The following RB1 variants were observed in gnomAD, a reference collection of about 807,000 sequenced individuals.
RB1 encodes the protein RB transcriptional corepressor 1.
RB1 carries 18 observed loss-of-function variants against 135.4 expected under a neutral mutation model. The observed-to-expected ratio is 0.13, with a 90% CI of 0.09 to 0.20. RB1 has a LOEUF of 0.20. Among genes scored for constraint, RB1 ranks in the 10% least tolerant of loss-of-function variants. The pLI, the probability that RB1 is intolerant of heterozygous loss-of-function variation, is 1.00. For synonymous variants in RB1, 365 were observed against 373.2 expected, an observed-to-expected ratio of 0.98 and a Z score of 0.25; for missense variants, 868 against 1,110.0, an observed-to-expected ratio of 0.78 and a Z score of 3.10.
chr13:48,356,015 T>C (rs1227130710), intron 6 of RB1, among the ~76,000 whole-genome samples: 1 of 152,016 alleles, frequency 6.6e-6, no homozygotes, highest in African/African-American at 2.4e-5. Context: ...AGGGTGACTT[T>C]AGTCAATAAT....
At chr13:48,337,736 T>C (rs1952398124) in intron 2 of RB1, among the ~76,000 whole-genome samples, 1 of 152,220 alleles carries the variant, frequency 6.6e-6, no homozygotes, top group Non-Finnish European at 1.5e-5. Flanking sequence ...TGTTAGCTGG[T>C]GATTTTGCTC....
At chr13:48,331,383 T>C (rs890864754) in intron 2 of RB1, among the ~76,000 whole-genome samples, 2 of 152,220 alleles carry the variant, frequency 1.3e-5, no homozygotes, top group Non-Finnish European at 2.9e-5. Flanking sequence ...GTATTAAAGA[T>C]GGGGCCTTTA....
chr13:48,373,762 T>C (rs1952789856), intron 12 of RB1, among the ~76,000 whole-genome samples: 1 of 152,158 alleles, frequency 6.6e-6, no homozygotes, highest in South Asian at 2.1e-4. Flanking sequence ...CTGAGATAAT[T>C]TTTTTCTTCT....
chr13:48,373,122 C>T (rs1234980312), intron 11 of RB1, among the ~76,000 whole-genome samples: 1 of 151,984 alleles, frequency 6.6e-6, no homozygotes, highest in Non-Finnish European at 1.5e-5. Context: ...TATATAGTTT[C>T]TCCTAAAAAT....
In RB1 at chr13:48,307,278, A is replaced by G. The variant is rs2138033781; in HGVS notation, c.138-2A>G. On this transcript the variant is annotated splice_acceptor_variant, in intron 1 of 26. Transcript: ENST00000267163. LOFTEE classifies it high-confidence loss of function. Reference sequence around the variant, plus strand: ...AATTATATGATTATTTTCATTTGGTAGGCTTGAGTTTGAAGAAACAGAAGA... The same window carrying G: ...AATTATATGATTATTTTCATTTGGTGGGCTTGAGTTTGAAGAAACAGAAGA... The G allele has an allele frequency of 6.2e-7, 1 of 1,601,368 alleles. No homozygotes were observed. Among genetic ancestry groups the G allele is most frequent in the Non-Finnish European group, 8.6e-7 (1 of 1,168,682 alleles).
intron 8 of RB1, among the ~76,000 whole-genome samples, chr13:48,363,413 T>G (rs1952662143): frequency 6.6e-6 from 1 of 152,080 alleles, no homozygotes; most frequent in Admixed American, 6.5e-5. Flanking sequence ...AAAAATGAAC[T>G]GGGCATGGTG....
intron 19 of RB1, among the ~76,000 whole-genome samples, chr13:48,456,719 C>A (rs9535034): frequency 6.6e-6 from 1 of 152,234 alleles, no homozygotes; most frequent in Non-Finnish European, 1.5e-5. Flanking sequence ...AGCATGAGAT[C>A]TGGCCATTGC....
At chr13:48,365,575 GA>G (rs1952686711) in intron 9 of RB1, among the ~76,000 whole-genome samples, 1 of 152,130 alleles carries the variant, frequency 6.6e-6, no homozygotes, top group Admixed American at 6.5e-5. Flanking sequence ...AATATGTGGA[GA>G]AAAGGATGCT....
At chr13:48,476,908 G>T (rs2138359949) in intron 25 of RB1, 65 bp downstream of exon 25, 1 of 1,579,770 alleles carries the variant, frequency 6.3e-7, no homozygotes, top group Non-Finnish European at 8.7e-7. Flanking sequence ...CAGAGTCTCA[G>T]CACTGCTCCT....
rs2138087612 is a variant in RB1, at chr13:48,345,155, G to T, written c.456G>T (p.Leu152Phe). Residue 152 changes from leucine to phenylalanine, a missense_variant, in exon 4 of 27, where the codon TTG (leucine) becomes TTT (phenylalanine). This residue lies in a region of RB1 where 641 missense variants were observed against 791.3 expected (regional missense o/e 0.81). Coordinates refer to ENST00000267163, the MANE Select transcript of RB1 (RefSeq NM_000321.3). ...TTGATAATGCTATGTCAAGACTGTTGAAGAAGTATGATGTATTGTTTGCAC... is the reference window on the plus strand; with the variant it reads ...TTGATAATGCTATGTCAAGACTGTTTAAGAAGTATGATGTATTGTTTGCAC... The part of the protein sequence containing the change: ...TKVDNAMSRL[L>F]KKYDVLFALF... 1.9e-6 allele frequency: 3 copies of T among 1,612,834 alleles called. No homozygotes were observed. Among genetic ancestry groups the T allele is most frequent in the Non-Finnish European group, 2.5e-6 (3 of 1,179,554 alleles).
At chr13:48,316,986 C>T in intron 2 of RB1, 2 of 465,096 alleles carry the variant, frequency 4.3e-6, no homozygotes, top group South Asian at 2.6e-5. Flanking sequence ...GATGACCCTT[C>T]GTCAATACCT....
chr13:48,391,465 CTTT>C (rs1948610078), intron 17 of RB1: 1 of 151,834 alleles, frequency 6.6e-6, no homozygotes, highest in South Asian at 2.1e-4. Flanking sequence ...GACTGTAAAA[CTTT>C]TTTTGGCCAG....
At chr13:48,343,872 C>G (rs1952469019) in intron 3 of RB1, among the ~76,000 whole-genome samples, 1 of 152,108 alleles carries the variant, frequency 6.6e-6, no homozygotes, top group South Asian at 2.1e-4. Flanking sequence ...TGTCATGGCT[C>G]CCCCATTCCT....
At chr13:48,373,344 C>A (rs2138130564) in intron 11 of RB1, 61 bp from the exon 12 acceptor site, 1 of 1,015,394 alleles carries the variant, frequency 9.8e-7, no homozygotes, top group Non-Finnish European at 1.6e-6. Context: ...GAAAACATTT[C>A]ATTTTTTCTT....
At chr13:48,472,981 C>G (rs1339765884) in intron 23 of RB1, among the ~76,000 whole-genome samples, 1 of 152,090 alleles carries the variant, frequency 6.6e-6, no homozygotes, top group Non-Finnish European at 1.5e-5. Context: ...ACTTAATATT[C>G]TAAGTTTTTT....
At chr13:48,352,558 G>A (rs992899544) in intron 6 of RB1, among the ~76,000 whole-genome samples, 1 of 151,966 alleles carries the variant, frequency 6.6e-6, no homozygotes, top group Non-Finnish European at 1.5e-5. Flanking sequence ...AATTCTTGTT[G>A]TAGAGAGCTT....
At chr13:48,463,882 A>G in intron 21 of RB1, 47 bp downstream of exon 21, 1 of 1,092,190 alleles carries the variant, frequency 9.2e-7, no homozygotes, top group Non-Finnish European at 1.4e-6. Flanking sequence ...CCATATCCAT[A>G]ACATAACATA....
In RB1 at chr13:48,319,783, T is replaced by C; in HGVS notation, c.264+12377T>C. On this transcript the variant is annotated intron_variant, in intron 2 of 26. Coordinates refer to ENST00000267163, the MANE Select transcript of RB1 (RefSeq NM_000321.3). This position sits in a 1 kb window ranked among gnomAD's most constrained non-coding sequence, Gnocchi z 5.0. ...TTTTTGGGTCGCATGCTATCTCTTC[T>C]CATTCAGAAGCTGTTCTATTTCCGC... 1 of 293,482 alleles carries C rather than the reference T, an allele frequency of 3.4e-6. No homozygotes were observed. Among genetic ancestry groups the C allele is most frequent in the Non-Finnish European group, 6.9e-6 (1 of 144,794 alleles). The allele number at this position is 293,482 out of a possible 1,614,324, so 18.2% of individuals were successfully genotyped here.
intron 17 of RB1, among the ~76,000 whole-genome samples, chr13:48,444,360 T>C (rs893047860): frequency 2.6e-5 from 4 of 151,934 alleles, no homozygotes; most frequent in African/African-American, 9.7e-5. Flanking sequence ...CTACTAAAAA[T>C]ACAAAAATTA....
Sources: allele counts gnomAD v4.1 joint callset (sites outside exome capture counted in the v4.1 genomes callset), GRCh38; gene constraint gnomAD v4.1.1; regional missense constraint gnomAD v4.1.1; non-coding constraint Gnocchi (gnomAD v3.1); transcripts MANE v1.5; gene names NCBI Gene and HGNC (gene_info 2026-07-23, HGNC 2026-07-21).